Variants in VPS13B observed in about 807,000 individuals in gnomAD.
The protein encoded by VPS13B is intermembrane lipid transfer protein VPS13B.
A neutral mutation model predicts 426.4 loss-of-function variants in VPS13B; 285 were observed. The observed-to-expected ratio is 0.67, with a 90% CI of 0.61 to 0.74. The LOEUF (loss-of-function observed/expected upper bound fraction) is 0.74, where lower values mean the gene tolerates loss of function less well. VPS13B is among the 30% of genes least tolerant of loss of function. VPS13B has a pLI of 0.00. For missense variants in VPS13B, 4,537 were observed against 4,782.6 expected (o/e 0.95, Z 1.51); for synonymous variants, 1,676 against 1,676.4 (o/e 1.00, Z 0.01).
chr8:99,232,008 T>G (rs1373084698), intron 17 of VPS13B, among the ~76,000 whole-genome samples: 2 of 152,222 alleles, frequency 1.3e-5, no homozygotes, highest in Non-Finnish European at 2.9e-5. Context: ...TACCATTGAC[T>G]CTTGTTCTTT....
rs1248009025 is a variant in VPS13B at position 99,121,192 on chromosome 8, CAAG to C, written c.956_958del (p.Arg319del). 1 of 1,613,376 alleles carries C rather than the reference CAAG, an allele frequency of 6.2e-7. No individual in the cohort carries two copies. The highest frequency in any genetic ancestry group is 8.5e-7 in the Non-Finnish European group (1 of 1,179,708). On this transcript the variant is annotated inframe_deletion, in exon 8 of 62. Coordinates refer to ENST00000357162, the MANE Select transcript of VPS13B (RefSeq NM_152564.5). ...TAATTGATAGGTTCTGAAGATGAAA[CAAG>C]AATAGATATGCAATATCCTGCTCAG... is the stretch of plus-strand genomic sequence containing the variant.
intron 4 of VPS13B, among the ~76,000 whole-genome samples, chr8:99,101,252 C>G (rs1210552641): frequency 6.6e-6 from 1 of 152,150 alleles, no homozygotes; most frequent in Non-Finnish European, 1.5e-5. Flanking sequence ...CTGCTTCAGC[C>G]TCCTGAGTAG....
chr8:99,062,626 G>A (rs772551093), intron 3 of VPS13B, among the ~76,000 whole-genome samples: 17 of 151,994 alleles, frequency 1.1e-4, no homozygotes, highest in East Asian at 1.9e-4. Flanking sequence ...GCGCCACCAC[G>A]CCTGGCTAAT....
At chr8:99,226,338 A>G (rs1445279709) in intron 17 of VPS13B, among the ~76,000 whole-genome samples, 1 of 152,120 alleles carries the variant, frequency 6.6e-6, no homozygotes, top group Non-Finnish European at 1.5e-5. Context: ...AATCCTTCAG[A>G]CTGCTTTAGG....
At chr8:99,577,850 G>T in intron 33 of VPS13B, 3 of 595,724 alleles carry the variant, frequency 5.0e-6, no homozygotes, top group Non-Finnish European at 8.6e-6. Flanking sequence ...TTGCAAAATT[G>T]CTGTGGACTG....
chr8:99,150,613 G>A (rs1441202430), intron 14 of VPS13B, among the ~76,000 whole-genome samples: 1 of 152,146 alleles, frequency 6.6e-6, no homozygotes, highest in Non-Finnish European at 1.5e-5. Flanking sequence ...TTTCTAGACT[G>A]TCATATAGTT....
rs200867011 is a variant in VPS13B, at chr8:99,275,335, A to AT, written c.2824+94dup. 0.11 allele frequency: 99,428 copies of AT among 913,000 alleles called. 922 individuals carry two copies. Among genetic ancestry groups the AT allele is most frequent in the African/African-American group, 0.19 (7,339 of 37,926 alleles). The allele number at this position is 913,000 out of a possible 1,614,324, so 56.6% of individuals were successfully genotyped here. Reference sequence around the variant, plus strand: ...AGAAAGGCTTTTAAAATTGGTATATATTTTTTTTTTTTTAGGTATTTTTGT... The same window carrying AT: ...AGAAAGGCTTTTAAAATTGGTATATATTTTTTTTTTTTTTAGGTATTTTTGT... On this transcript the variant is annotated intron_variant, in intron 19 of 61. Coordinates refer to ENST00000357162, the MANE Select transcript of VPS13B (RefSeq NM_152564.5).
chr8:99,126,358 T>C lies in VPS13B; in HGVS notation c.1206+4913T>C, dbSNP rs556100172. On this transcript the variant is annotated intron_variant, in intron 8 of 61. Coordinates refer to ENST00000357162, the MANE Select transcript of VPS13B (RefSeq NM_152564.5). ...ATGGCCTTTGAATATGTATGTTCAC[T>C]AGGGACACTAAGGACCTACTACACA... Among the ~76,000 whole-genome samples the C allele has an allele frequency of 2.6e-5, 4 of 152,308 alleles. No individual in the cohort carries two copies. In the East Asian group the frequency reaches 7.7e-4, roughly 29 times the overall value.
intron 61 of VPS13B, among the ~76,000 whole-genome samples, chr8:99,872,882 A>C (rs1277714522): frequency 6.6e-6 from 1 of 151,926 alleles, no homozygotes; most frequent in East Asian, 1.9e-4. Flanking sequence ...AACCACAACA[A>C]CTCTTAAGAT....
At chr8:99,697,805 A>G (rs560683540) in intron 35 of VPS13B, 15 of 613,676 alleles carry the variant, frequency 2.4e-5, no homozygotes, top group South Asian at 1.7e-4. Context: ...AGTCAGGCAC[A>G]TTCCAGAAAG....
chr8:99,603,450 T>C (rs1264073969), intron 33 of VPS13B, among the ~76,000 whole-genome samples: 3 of 152,206 alleles, frequency 2.0e-5, no homozygotes, highest in African/African-American at 4.8e-5. Context: ...AGAACAATTA[T>C]AACAATGAGC....
intron 19 of VPS13B, among the ~76,000 whole-genome samples, chr8:99,331,191 G>A (rs1050724986): frequency 1.3e-5 from 2 of 151,862 alleles, no homozygotes; most frequent in Non-Finnish European, 2.9e-5. Flanking sequence ...TAAATGAACA[G>A]TGCTGGCAAT....
chr8:99,821,160 A>G, intron 49 of VPS13B, 134 bp from the exon 50 acceptor site: 1 of 624,742 alleles, frequency 1.6e-6, no homozygotes, highest in Non-Finnish European at 2.7e-6. Context: ...ACACACACAC[A>G]CACACACCAT....
intron 35 of VPS13B, among the ~76,000 whole-genome samples, chr8:99,667,383 G>C (rs1232995246): frequency 6.6e-6 from 1 of 152,180 alleles, no homozygotes; most frequent in Non-Finnish European, 1.5e-5. Flanking sequence ...GAACAGGACA[G>C]GGTAATGATA....
rs1204272078 is a variant in VPS13B, at chr8:99,147,927, A to T, written c.1930A>T (p.Thr644Ser). ...TATTCCTACTCGACATACAAGTGTT[A>T]CTCTCCTCAAATGTACCTGCACAAT... ...EYIPTRHTSV[T>S]LLKCTCTISM... Residue 644 changes from threonine to serine, a missense_variant, in exon 14 of 62, where the codon ACT (threonine) becomes TCT (serine). Physicochemically the swap from Thr to Ser is moderately conservative, Grantham distance 58. Coordinates refer to ENST00000357162, the MANE Select transcript of VPS13B (RefSeq NM_152564.5). The T allele has an allele frequency of 1.9e-6, 3 of 1,613,500 alleles. No individual in the cohort carries two copies. The highest frequency in any genetic ancestry group is 1.7e-6 in the Non-Finnish European group (2 of 1,179,770).
chr8:99,657,893 A>C (rs1488600153), intron 34 of VPS13B, among the ~76,000 whole-genome samples: 2 of 152,196 alleles, frequency 1.3e-5, no homozygotes, highest in Admixed American at 1.3e-4. Flanking sequence ...AAAATACTGC[A>C]TGTACACCCT....
intron 21 of VPS13B, chr8:99,424,481 G>A (rs188826415): frequency 4.6e-5 from 7 of 152,252 alleles, no homozygotes; most frequent in Non-Finnish European, 8.8e-5. Context: ...ATGAAATGAA[G>A]GCAGAAATAA....
intron 25 of VPS13B, among the ~76,000 whole-genome samples, chr8:99,499,193 C>T (rs952667414): frequency 6.6e-5 from 10 of 152,086 alleles, no homozygotes; most frequent in Admixed American, 2.6e-4. Flanking sequence ...TCTCCATTTC[C>T]GGCCTGATTT....
chr8:99,756,563 A>G (rs2130568779), intron 39 of VPS13B, among the ~76,000 whole-genome samples: 1 of 152,364 alleles, frequency 6.6e-6, no homozygotes, highest in Non-Finnish European at 1.5e-5. Flanking sequence ...CTGTCAAAAG[A>G]CAAAGAATAT....
Sources: allele counts gnomAD v4.1 joint callset (sites outside exome capture counted in the v4.1 genomes callset), GRCh38; gene constraint gnomAD v4.1.1; transcripts MANE v1.5; gene names NCBI Gene and HGNC (gene_info 2026-07-23, HGNC 2026-07-21).